Variants in MOB1B observed in about 807,000 individuals in gnomAD.
The protein encoded by MOB1B is MOB1 Mps One Binder homolog B.
In MOB1B, 19 loss-of-function variants were observed where a neutral mutation model predicts 24.4. That is an observed-to-expected ratio of 0.78 (90% CI 0.54 to 1.14). The LOEUF (loss-of-function observed/expected upper bound fraction) is 1.14. Among genes scored for constraint, MOB1B ranks in the 50% most tolerant of loss-of-function variants. The probability of loss-of-function intolerance (pLI) is 0.00; values close to 1 mark genes in which losing one functional copy is unlikely to be tolerated. For missense variants in MOB1B, 243 were observed against 259.6 expected (o/e 0.94, Z 0.44); for synonymous variants, 76 against 82.1 (o/e 0.93, Z 0.40).
intron 1 of MOB1B, among the ~76,000 whole-genome samples, chr4:70,940,693 T>G (rs1267548485): frequency 3.3e-5 from 5 of 151,730 alleles, no homozygotes; most frequent in African/African-American, 4.8e-5. Flanking sequence ...TTTTTTTTTT[T>G]GAGACAGAGT....
chr4:70,973,738 G>A (rs189454689), intron 3 of MOB1B, among the ~76,000 whole-genome samples: 63 of 152,284 alleles, frequency 4.1e-4, no homozygotes, highest in African/African-American at 1.4e-3. Context: ...ATCATACTTG[G>A]AGACCTTCAA....
rs373323247 is a variant in MOB1B at position 70,969,910 on chromosome 4, C to G, written c.182-21C>G. 34 of 1,418,594 alleles carry G rather than the reference C, an allele frequency of 2.4e-5. No individual in the cohort carries two copies. In the African/African-American group the frequency reaches 4.5e-4, roughly 19 times the overall value. 87.9% of individuals were successfully genotyped at this position (1,418,594 alleles called of 1,614,324 possible). A position where few individuals can be genotyped will look rare whatever the true frequency, so the allele number is the denominator to read the frequency against. On this transcript the variant is annotated intron_variant, in intron 2 of 5. Transcript: ENST00000309395. ...AAATTTAGCCATTCTGTTTTACTTA[C>G]AACTGATACTTGCTTTACAGCTGTG...
chr4:70,920,303 T>G (rs952752912), intron 1 of MOB1B, among the ~76,000 whole-genome samples: 84 of 152,278 alleles, frequency 5.5e-4, no homozygotes, highest in Non-Finnish European at 1.0e-3. Flanking sequence ...CTCCGCTCAC[T>G]GCACCTCTGC....
intron 1 of MOB1B, among the ~76,000 whole-genome samples, chr4:70,925,466 C>G (rs1736611786): frequency 6.6e-6 from 1 of 152,136 alleles, no homozygotes; most frequent in African/African-American, 2.4e-5. Context: ...AAAAATACCA[C>G]TGTCATTTTA....
At chr4:70,981,143 T>C (rs947973669) in intron 5 of MOB1B, among the ~76,000 whole-genome samples, 12 of 152,244 alleles carry the variant, frequency 7.9e-5, no homozygotes, top group African/African-American at 2.4e-5. Context: ...AGTCATATGA[T>C]ATATACCCAT....
chr4:70,911,161 G>A (rs557214526), intron 1 of MOB1B, among the ~76,000 whole-genome samples: 10 of 152,092 alleles, frequency 6.6e-5, no homozygotes, highest in South Asian at 4.1e-4. Flanking sequence ...TCCACCGTGC[G>A]TAGACCAGGT....
chr4:70,938,806 T>C (rs1737202320), intron 1 of MOB1B, among the ~76,000 whole-genome samples: 1 of 151,642 alleles, frequency 6.6e-6, no homozygotes, highest in Admixed American at 6.6e-5. Context: ...AGATGGAGTT[T>C]TGCTCTTGTT....
chr4:70,913,167 C>G (rs962466019), intron 1 of MOB1B, among the ~76,000 whole-genome samples: 2 of 152,162 alleles, frequency 1.3e-5, no homozygotes, highest in African/African-American at 4.8e-5. Context: ...TTGGGTTTCT[C>G]TGATGTTTCC....
At chr4:70,906,411 G>A (rs1167623091) in intron 1 of MOB1B, among the ~76,000 whole-genome samples, 2 of 152,142 alleles carry the variant, frequency 1.3e-5, no homozygotes, top group Non-Finnish European at 2.9e-5. Context: ...TGGCACTGAT[G>A]TGGATGTTGG....
At chr4:70,928,751 T>TA (rs971244671) in intron 1 of MOB1B, among the ~76,000 whole-genome samples, 18 of 152,132 alleles carry the variant, frequency 1.2e-4, no homozygotes, top group Non-Finnish European at 1.6e-4. Context: ...ATTTTTATAA[T>TA]AAAAAAACTT....
intron 1 of MOB1B, among the ~76,000 whole-genome samples, chr4:70,947,529 A>G (rs138973636): frequency 6.6e-6 from 1 of 152,304 alleles, no homozygotes; most frequent in East Asian, 1.9e-4. Context: ...TATTTTGGAT[A>G]TAAGTCCTTA....
intron 1 of MOB1B, among the ~76,000 whole-genome samples, chr4:70,954,520 A>G (rs760470768): frequency 5.3e-5 from 8 of 151,836 alleles, no homozygotes; most frequent in Non-Finnish European, 7.4e-5. Flanking sequence ...CAGTGGCGCA[A>G]TCTCGGCTAA....
rs995927846 is a variant in MOB1B at position 70,984,956 on chromosome 4, A to G, written c.*2899A>G. 6.6e-6 allele frequency: 1 copy of G among 152,146 alleles called. No homozygotes were observed. Among genetic ancestry groups the G allele is most frequent in the Non-Finnish European group, 1.5e-5 (1 of 68,010 alleles). 9.4% of individuals were successfully genotyped at this position (152,146 alleles called of 1,614,324 possible). A position where few individuals can be genotyped will look rare whatever the true frequency, so the allele number is the denominator to read the frequency against. On this transcript the variant is annotated 3_prime_UTR_variant, in exon 6 of 6. Coordinates refer to ENST00000309395, the MANE Select transcript of MOB1B (RefSeq NM_173468.4). ...TCTTTCTACCTTCCCTCTGTTAGTC[A>G]TTTGTAAATTCTAAATGGTCACCAT...
At chr4:70,972,758 A>ATTATTTTATT (rs140540036) in intron 3 of MOB1B, among the ~76,000 whole-genome samples, 1 of 151,138 alleles carries the variant, frequency 6.6e-6, no homozygotes, top group Non-Finnish European at 1.5e-5. Context: ...GCAATACACA[A>ATTATTTTATT]TTATTTTATT....
intron 1 of MOB1B, among the ~76,000 whole-genome samples, chr4:70,912,225 T>C (rs111583092): frequency 0.011 from 1,629 of 151,600 alleles, 27 homozygotes; most frequent in African/African-American, 0.038. Context: ...ACACATTTAA[T>C]TAAGTATAAG....
chr4:70,902,159 C>G (rs1290168792), upstream of MOB1B, among the ~76,000 whole-genome samples: 2 of 152,188 alleles, frequency 1.3e-5, no homozygotes, highest in Non-Finnish European at 2.9e-5. Context: ...GGCGTCGTCC[C>G]TAGCAGCAGA....
intron 1 of MOB1B, among the ~76,000 whole-genome samples, chr4:70,936,965 G>A (rs1737109370): frequency 6.6e-6 from 1 of 151,804 alleles, no homozygotes; most frequent in South Asian, 2.1e-4. Context: ...TGCCCAGGCT[G>A]GAGGGCAGTG....
intron 1 of MOB1B, among the ~76,000 whole-genome samples, chr4:70,921,701 G>T (rs1203310988): frequency 6.6e-6 from 1 of 152,068 alleles, no homozygotes; most frequent in African/African-American, 2.4e-5. Context: ...TAGAGATGGG[G>T]TTTCACCGTG....
intron 1 of MOB1B, among the ~76,000 whole-genome samples, chr4:70,950,309 G>T (rs1737749255): frequency 1.3e-5 from 2 of 151,800 alleles, no homozygotes; most frequent in East Asian, 3.9e-4. Flanking sequence ...GGTGGTGGGT[G>T]CCTGTAGTCC....
Sources: gnomAD v4.1 joint callset for allele counts (sites outside exome capture counted in the v4.1 genomes callset) on GRCh38, gnomAD v4.1.1 for gene constraint, MANE v1.5 for transcripts, NCBI Gene and HGNC (gene_info 2026-07-23, HGNC 2026-07-21) for gene names.